The following MYCBP2 variants were observed in gnomAD, a reference collection of about 807,000 sequenced individuals.
MYCBP2 encodes E3 ubiquitin-protein ligase MYCBP2.
In MYCBP2, 120 loss-of-function variants were observed where a neutral mutation model predicts 525.3. That is an observed-to-expected ratio of 0.23 (90% CI 0.20 to 0.27). The LOEUF is 0.27. MYCBP2 is among the 10% of genes least tolerant of loss of function. The pLI is 1.00. For missense variants in MYCBP2, 4,149 were observed against 5,657.1 expected, an observed-to-expected ratio of 0.73 and a Z score of 8.55; for synonymous variants, 1,894 against 1,955.8, an observed-to-expected ratio of 0.97 and a Z score of 0.83.
chr13:77,192,531 G>A (rs2154259788), intron 27 of MYCBP2, among the ~76,000 whole-genome samples: 1 of 152,292 alleles, frequency 6.6e-6, no homozygotes, highest in African/African-American at 2.4e-5. Context: ...AGCTGGAATT[G>A]AAAGAAGAAT....
rs2046464720 is a variant in MYCBP2, at chr13:77,097,721, A to T, written c.9433T>A (p.Ser3145Thr). The part of the protein sequence containing the change: ...DGKTETTFEM[S>T]MHNTMKSKSP... ...TTAGACTTCATTGTGTTATGCATGGACATTTCAAAAGTGGTCTCGGTTTTC... is the reference window on the plus strand; with the variant it reads ...TTAGACTTCATTGTGTTATGCATGGTCATTTCAAAAGTGGTCTCGGTTTTC... Residue 3145 changes from serine to threonine, a missense_variant, in exon 56 of 83, where the codon TCC becomes ACC. Ser to Thr is a moderately conservative substitution (Grantham distance 58). Transcript: ENST00000544440. 1 of 1,613,544 alleles carries T rather than the reference A, an allele frequency of 6.2e-7. No individual in the cohort carries two copies. The highest frequency in any genetic ancestry group is 1.7e-5 in the Admixed American group (1 of 59,906).
At chr13:77,304,839 T>C (rs1250854758) in intron 1 of MYCBP2, among the ~76,000 whole-genome samples, 3 of 151,804 alleles carry the variant, frequency 2.0e-5, no homozygotes, top group Non-Finnish European at 4.4e-5. Flanking sequence ...AAAGCACAAA[T>C]TACCAATATG....
At chr13:77,233,936 C>G (rs2067504209) in intron 17 of MYCBP2, among the ~76,000 whole-genome samples, 1 of 151,400 alleles carries the variant, frequency 6.6e-6, no homozygotes, top group Non-Finnish European at 1.5e-5. Context: ...AAGGGGGCAC[C>G]TAACCCAAAT....
At chr13:77,263,907 A>C (rs754178171) in intron 9 of MYCBP2, 22 bp downstream of exon 9, 1 of 1,607,616 alleles carries the variant, frequency 6.2e-7, no homozygotes, top group East Asian at 2.2e-5. Context: ...TACACTAGCT[A>C]CTTAAGATTC....
intron 26 of MYCBP2, among the ~76,000 whole-genome samples, chr13:77,205,007 C>T (rs966235558): frequency 6.6e-5 from 10 of 151,510 alleles, no homozygotes; most frequent in African/African-American, 2.4e-4. Context: ...ATGTAACTAA[C>T]CTGCACATTG....
chr13:77,152,123 C>T (rs1258313894), intron 46 of MYCBP2, among the ~76,000 whole-genome samples: 1 of 152,196 alleles, frequency 6.6e-6, no homozygotes, highest in Admixed American at 6.5e-5. Context: ...TTGTTCTTAA[C>T]AACGCGATTC....
intron 1 of MYCBP2, among the ~76,000 whole-genome samples, chr13:77,310,363 C>G (rs925874496): frequency 6.6e-6 from 1 of 152,110 alleles, no homozygotes; most frequent in Non-Finnish European, 1.5e-5. Context: ...ACTCAGGGGT[C>G]AGCAAACTAT....
intron 49 of MYCBP2, 46 bp from the exon 50 acceptor site, chr13:77,140,989 A>T: frequency 1.5e-6 from 2 of 1,366,722 alleles, no homozygotes; most frequent in Non-Finnish European, 2.0e-6. Context: ...AAAAAAGAGA[A>T]GGAAGATCCT....
chr13:77,190,683 T>C (rs1018244981), intron 28 of MYCBP2, among the ~76,000 whole-genome samples: 2 of 152,102 alleles, frequency 1.3e-5, no homozygotes, highest in Non-Finnish European at 2.9e-5. Context: ...CAGTGTGCCA[T>C]GACATTCCAA....
chr13:77,256,278 A>C (rs1052296236), intron 14 of MYCBP2, among the ~76,000 whole-genome samples: 6 of 152,092 alleles, frequency 3.9e-5, no homozygotes, highest in Non-Finnish European at 8.8e-5. Context: ...TTAAAATTTA[A>C]AACATGTCGT....
chr13:77,173,819 G>A (rs956096418), intron 37 of MYCBP2, among the ~76,000 whole-genome samples: 17 of 152,150 alleles, frequency 1.1e-4, no homozygotes, highest in Admixed American at 7.9e-4. Context: ...CATAAGGAAT[G>A]GTTTTTGTTA....
At chr13:77,176,291 G>C (rs1595148160) in intron 36 of MYCBP2, among the ~76,000 whole-genome samples, 1 of 151,898 alleles carries the variant, frequency 6.6e-6, no homozygotes, top group Non-Finnish European at 1.5e-5. Context: ...TACTACTCCT[G>C]ACTTTAAGAA....
intron 78 of MYCBP2, among the ~76,000 whole-genome samples, chr13:77,057,920 C>T (rs752534075): frequency 6.7e-6 from 1 of 149,624 alleles, no homozygotes. Context: ...TCACTGCAAG[C>T]TCCGTCTCCT....
At chr13:77,241,812 T>C (rs1360082829) in intron 17 of MYCBP2, among the ~76,000 whole-genome samples, 1 of 152,314 alleles carries the variant, frequency 6.6e-6, no homozygotes, top group East Asian at 1.9e-4. Flanking sequence ...ATTATACATT[T>C]TACTACTTAT....
intron 47 of MYCBP2, among the ~76,000 whole-genome samples, chr13:77,147,831 C>T (rs1014059975): frequency 1.3e-5 from 2 of 152,108 alleles, no homozygotes; most frequent in South Asian, 2.1e-4. Context: ...TGGCTCACTA[C>T]TGAGTGAATA....
At chr13:77,141,836 T>C (rs1161666493) in intron 49 of MYCBP2, among the ~76,000 whole-genome samples, 1 of 151,754 alleles carries the variant, frequency 6.6e-6, no homozygotes, top group Admixed American at 6.6e-5. Flanking sequence ...CAATAAATGC[T>C]AGCTATTATT....
At chr13:77,067,272 TG>T (rs1239013784) in intron 71 of MYCBP2, among the ~76,000 whole-genome samples, 1 of 152,202 alleles carries the variant, frequency 6.6e-6, no homozygotes, top group African/African-American at 2.4e-5. Flanking sequence ...TTCTTTTTAT[TG>T]TGGCAAAAAA....
intron 51 of MYCBP2, among the ~76,000 whole-genome samples, chr13:77,139,693 C>A (rs748555925): frequency 1.3e-5 from 2 of 152,042 alleles, no homozygotes; most frequent in Non-Finnish European, 2.9e-5. Flanking sequence ...GGTTATATTA[C>A]CAGAAAAATA....
intron 32 of MYCBP2, among the ~76,000 whole-genome samples, chr13:77,183,001 T>C (rs918466588): frequency 6.6e-6 from 1 of 152,236 alleles, no homozygotes; most frequent in Non-Finnish European, 1.5e-5. Flanking sequence ...CCACTGTTCC[T>C]GTAGCTATAT....
Sources: allele counts gnomAD v4.1 joint callset (sites outside exome capture counted in the v4.1 genomes callset), GRCh38; gene constraint gnomAD v4.1.1; transcripts MANE v1.5; gene names NCBI Gene and HGNC (gene_info 2026-07-23, HGNC 2026-07-21).